The following ARMC8 variants were observed in gnomAD, a reference collection of about 807,000 sequenced individuals.
The protein encoded by ARMC8 is armadillo repeat containing 8.
Under a neutral mutation model 99.3 loss-of-function variants are expected in ARMC8, and 20 were observed. That is an observed-to-expected ratio of 0.20 (90% CI 0.14 to 0.29). The LOEUF (loss-of-function observed/expected upper bound fraction) is 0.29, where lower values mean the gene tolerates loss of function less well. Among genes scored for constraint, ARMC8 ranks in the 10% least tolerant of loss-of-function variants. ARMC8 has a pLI of 1.00. For synonymous variants in ARMC8, 263 were observed against 278.3 expected (o/e 0.95, Z 0.55); for missense variants, 569 against 809.5 (o/e 0.70, Z 3.60).
intron 5 of ARMC8, among the ~76,000 whole-genome samples, chr3:138,228,037 T>C (rs1280314051): frequency 6.6e-6 from 1 of 152,248 alleles, no homozygotes; most frequent in East Asian, 1.9e-4. Context: ...CAGGCTGGAG[T>C]GCAGTGGCGT....
At chr3:138,255,430 C>T (rs1319887890) in intron 12 of ARMC8, among the ~76,000 whole-genome samples, 1 of 151,978 alleles carries the variant, frequency 6.6e-6, no homozygotes, top group Non-Finnish European at 1.5e-5. Flanking sequence ...TCTCGATCTC[C>T]TGACCTTGTG....
intron 1 of ARMC8, among the ~76,000 whole-genome samples, chr3:138,194,525 A>G (rs917150365): frequency 7.4e-5 from 11 of 149,368 alleles, no homozygotes; most frequent in African/African-American, 2.7e-4. Context: ...TTTTTAGTAG[A>G]GAAGGGGTTT....
chr3:138,233,751 G>A (rs965808348), intron 6 of ARMC8, among the ~76,000 whole-genome samples: 6 of 152,178 alleles, frequency 3.9e-5, no homozygotes, highest in Admixed American at 6.5e-5. Context: ...TAAATAATGG[G>A]TTGGAGAAAT....
chr3:138,213,534 G>A (rs1271232488), intron 2 of ARMC8, among the ~76,000 whole-genome samples: 1 of 152,218 alleles, frequency 6.6e-6, no homozygotes, highest in Non-Finnish European at 1.5e-5. Flanking sequence ...CGAGCTGAAA[G>A]AAGAGGGAAG....
chr3:138,206,126 T>A lies in ARMC8; in HGVS notation c.46-3691T>A, dbSNP rs569811910. Among the ~76,000 whole-genome samples, 11 of 152,364 alleles carry A rather than the reference T, an allele frequency of 7.2e-5. No homozygotes were observed. The East Asian group carries it at 2.1e-3, about 29-fold the overall frequency. On this transcript the variant is annotated intron_variant, in intron 1 of 21. Transcript: ENST00000469044. Reference sequence around the variant, plus strand: ...AGTATCTGATGTATAGTTTATACAATTTGGATGCTAAATTTTTATTGGAAA... The same window carrying A: ...AGTATCTGATGTATAGTTTATACAAATTGGATGCTAAATTTTTATTGGAAA...
chr3:138,261,028 A>C (rs779581485), intron 12 of ARMC8, among the ~76,000 whole-genome samples: 3 of 152,314 alleles, frequency 2.0e-5, no homozygotes, highest in African/African-American at 4.8e-5. Flanking sequence ...CTTTTGCCCT[A>C]GGCTTTTGTT....
intron 1 of ARMC8, among the ~76,000 whole-genome samples, chr3:138,208,095 T>TG (rs2044479844): frequency 6.6e-6 from 1 of 151,086 alleles, no homozygotes; most frequent in African/African-American, 2.5e-5. Context: ...TCTGTTTTTT[T>TG]TTTTTTGTTG....
intron 3 of ARMC8, among the ~76,000 whole-genome samples, chr3:138,223,112 G>C (rs1464272401): frequency 6.6e-6 from 1 of 152,206 alleles, no homozygotes; most frequent in African/African-American, 2.4e-5. Flanking sequence ...CATGGACTCT[G>C]ATGACGCTGT....
intron 2 of ARMC8, among the ~76,000 whole-genome samples, chr3:138,214,029 G>A (rs1018554965): frequency 6.6e-6 from 1 of 151,980 alleles, no homozygotes; most frequent in Non-Finnish European, 1.5e-5. Context: ...GTACGTGCCT[G>A]TAGTCCCCAC....
chr3:138,279,936 G>T (rs573175866), intron 18 of ARMC8, among the ~76,000 whole-genome samples: 1 of 151,032 alleles, frequency 6.6e-6, no homozygotes, highest in Non-Finnish European at 1.5e-5. Flanking sequence ...ACAGAGTCTC[G>T]CTGTGTCACC....
intron 19 of ARMC8, among the ~76,000 whole-genome samples, chr3:138,287,269 C>G (rs970386198): frequency 6.6e-6 from 1 of 152,224 alleles, no homozygotes; most frequent in African/African-American, 2.4e-5. Flanking sequence ...ACCTACTTCT[C>G]TGAACAGACA....
chr3:138,226,019 G>A (rs1337280854), intron 5 of ARMC8, among the ~76,000 whole-genome samples: 1 of 152,144 alleles, frequency 6.6e-6, no homozygotes, highest in African/African-American at 2.4e-5. Flanking sequence ...TTAAGATGGA[G>A]TCTTGCTCTG....
At chr3:138,274,377 CT>C (rs1214674124) in intron 17 of ARMC8, 71 bp from the exon 18 acceptor site, 6 of 1,009,612 alleles carry the variant, frequency 5.9e-6, no homozygotes, top group African/African-American at 3.2e-5. Flanking sequence ...ATTGTTTTAA[CT>C]TTTAGAAGCC....
chr3:138,266,666 C>T (rs146548209), intron 14 of ARMC8, among the ~76,000 whole-genome samples: 1 of 152,222 alleles, frequency 6.6e-6, no homozygotes, highest in East Asian at 1.9e-4. Context: ...TGTGTGATTC[C>T]ATTTCTGAGA....
At chr3:138,235,208 G>T in intron 7 of ARMC8, 94 bp downstream of exon 7, 1 of 860,436 alleles carries the variant, frequency 1.2e-6, no homozygotes, top group Non-Finnish European at 1.8e-6. Context: ...TGATAATTGT[G>T]ATCAAAAGTA....
At chr3:138,294,955 A>G (rs554854749) in intron 21 of ARMC8, among the ~76,000 whole-genome samples, 272 of 150,852 alleles carry the variant, frequency 1.8e-3, no homozygotes, top group Middle Eastern at 0.01. Context: ...CTGGAGTGCA[A>G]TGGCACCATC....
chr3:138,271,608 A>G (rs756001951), intron 16 of ARMC8, among the ~76,000 whole-genome samples: 1 of 152,136 alleles, frequency 6.6e-6, no homozygotes, highest in African/African-American at 2.4e-5. Flanking sequence ...TCTCTCTGCA[A>G]AATATAAAAC....
chr3:138,243,663 G>T (rs996905934), intron 11 of ARMC8, among the ~76,000 whole-genome samples: 1 of 152,024 alleles, frequency 6.6e-6, no homozygotes, highest in South Asian at 2.1e-4. Context: ...TATATATATT[G>T]TCTTTTGCTT....
intron 18 of ARMC8, among the ~76,000 whole-genome samples, chr3:138,276,578 G>A (rs2049316188): frequency 6.6e-6 from 1 of 152,134 alleles, no homozygotes; most frequent in Admixed American, 6.5e-5. Context: ...TAATAAATGA[G>A]TTAAGCAAGG....
Sources: allele counts gnomAD v4.1 joint callset (sites outside exome capture counted in the v4.1 genomes callset), GRCh38; gene constraint gnomAD v4.1.1; transcripts MANE v1.5; gene names NCBI Gene and HGNC (gene_info 2026-07-23, HGNC 2026-07-21).